Variants in C20orf173 observed in about 807,000 individuals in gnomAD.
C20orf173 encodes uncharacterized protein C20orf173.
A neutral mutation model predicts 26.7 loss-of-function variants in C20orf173; 22 were observed. That is an observed-to-expected ratio of 0.82 (90% CI 0.59 to 1.18). C20orf173 has a LOEUF of 1.18. Among genes scored for constraint, C20orf173 ranks in the 50% most tolerant of loss-of-function variants. The probability of loss-of-function intolerance (pLI) is 0.00; values close to 1 mark genes in which losing one functional copy is unlikely to be tolerated. For missense variants in C20orf173, 210 were observed against 250.3 expected, an observed-to-expected ratio of 0.84 and a Z score of 1.09; for synonymous variants, 85 against 96.4, an observed-to-expected ratio of 0.88 and a Z score of 0.69.
At chr20:35,526,628 C>CAAAA (rs1286748298), downstream of C20orf173, among the ~76,000 whole-genome samples, 14 of 53,532 alleles carry the variant, frequency 2.6e-4, no homozygotes, top group African/African-American at 5.6e-4. Flanking sequence ...ACTCTTGTCT[C>CAAAA]AAAAAAAAAA....
rs997252337 is a variant in C20orf173, at chr20:35,528,279, C to T, written c.588G>A (p.Leu196=). The part of the protein sequence containing the change: ...WTSDALSDKI[L]EDGLVP The stretch of plus-strand genomic sequence containing the variant: ...TCCACTAGGGAACCAGACCATCTTC[C>T]AAAATCTGAGAAAGAATTGGAGGTG... Residue 196 remains leucine (L), a synonymous_variant, in exon 5 of 6, where the codon TTG becomes TTA. Transcript: ENST00000444723. 1.3e-6 allele frequency: 2 copies of T among 1,551,934 alleles called. No homozygotes were observed. Among genetic ancestry groups the T allele is most frequent in the Admixed American group, 2.0e-5 (1 of 50,978 alleles).
chr20:35,522,401 T>C (rs188010383), downstream of C20orf173: 94 of 152,452 alleles, frequency 6.2e-4, no homozygotes, highest in Non-Finnish European at 1.2e-3. Flanking sequence ...CCAGGGTTTT[T>C]TTTGCTTCCA....
Position 35,529,432 on chromosome 20 carries a change from G to T in C20orf173, c.-51-8C>A. The T allele has an allele frequency of 1.4e-6, 2 of 1,453,016 alleles. No homozygotes were observed. Among genetic ancestry groups the T allele is most frequent in the African/African-American group, 1.4e-5 (1 of 71,076 alleles). 90.0% of individuals were successfully genotyped at this position (1,453,016 alleles called of 1,614,324 possible). A position where few individuals can be genotyped will look rare whatever the true frequency, so the allele number is the denominator to read the frequency against. On this transcript the variant is annotated splice_polypyrimidine_tract_variant and splice_region_variant and intron_variant, in intron 1 of 5. Transcript: ENST00000444723. ...GTAGACTGGCTTCTCTACCTGTAAG[G>T]ATGAGGGGCTGAGGCCACAGACAGC...
At chr20:35,524,821 C>T (rs578038536), downstream of C20orf173, among the ~76,000 whole-genome samples, 1 of 151,912 alleles carries the variant, frequency 6.6e-6, no homozygotes, top group East Asian at 1.9e-4. Context: ...GTCTCAGCCT[C>T]CTGAGTAGCT....
chr20:35,528,114 C>G (rs2064516549), intron 5 of C20orf173, 119 bp downstream of exon 5: 1 of 831,860 alleles, frequency 1.2e-6, no homozygotes, highest in East Asian at 2.7e-5. Context: ...GACCCTGACC[C>G]TGGTAAGACA....
intron 4 of C20orf173, 47 bp downstream of exon 4, chr20:35,528,404 C>T (rs2064520274): frequency 6.5e-7 from 1 of 1,547,812 alleles, no homozygotes; most frequent in Non-Finnish European, 8.7e-7. Context: ...CCTGCAGTGA[C>T]CTCCCCTCAC....
At position 35,527,246 on chromosome 20, in the gene C20orf173, G is replaced by T. The variant is rs2064509189; in HGVS notation, c.*30C>A. ...CTATTCTGATCCAAATCCAAAGAGG[G>T]TGACCTAGTGGATAAGAGAGGGACA... On this transcript the variant is annotated 3_prime_UTR_variant, in exon 6 of 6. Transcript: ENST00000444723. 6.6e-6 allele frequency: 1 copy of T among 152,118 alleles called. No individual in the cohort carries two copies. The highest frequency in any genetic ancestry group is 6.6e-5 in the Admixed American group (1 of 15,234). The allele number at this position is 152,118 out of a possible 1,614,324, so 9.4% of individuals were successfully genotyped here.
downstream of C20orf173, among the ~76,000 whole-genome samples, chr20:35,524,312 C>T (rs148291154): frequency 8.3e-3 from 1,255 of 151,968 alleles, 20 homozygotes; most frequent in African/African-American, 0.029. Flanking sequence ...TGAGCCACTG[C>T]GCCCGGCCAA....
chr20:35,524,335 C>G (rs74574725), downstream of C20orf173, among the ~76,000 whole-genome samples: 158 of 152,130 alleles, frequency 1.0e-3, 3 homozygotes, highest in East Asian at 0.028. Flanking sequence ...CAGTGTATAT[C>G]TTACACTTAT....
chr20:35,529,502 AC>A, intron 1 of C20orf173, 56 bp downstream of exon 1: 2 of 770,244 alleles, frequency 2.6e-6, no homozygotes, highest in Non-Finnish European at 4.1e-6. Flanking sequence ...TCCCCATCCC[AC>A]CACCTTCCAC....
At chr20:35,523,835 G>T (rs1448296219), downstream of C20orf173, among the ~76,000 whole-genome samples, 1 of 152,126 alleles carries the variant, frequency 6.6e-6, no homozygotes, top group African/African-American at 2.4e-5. Flanking sequence ...GGGCCACCTT[G>T]GCGATGGCTC....
At chr20:35,527,373 C>T (rs1348114982) in intron 5 of C20orf173, 123 bp from the exon 6 acceptor site, 1 of 151,962 alleles carries the variant, frequency 6.6e-6, no homozygotes, top group Non-Finnish European at 1.5e-5. Context: ...CTGGAGCTCA[C>T]CTCCAGGAAA....
chr20:35,526,518 A>G (rs1051816820), downstream of C20orf173, among the ~76,000 whole-genome samples: 5 of 151,408 alleles, frequency 3.3e-5, no homozygotes, highest in Admixed American at 6.6e-5. Flanking sequence ...AGTCCCAGCT[A>G]CTCAGGGGGC....
chr20:35,525,290 G>A (rs1469470158), downstream of C20orf173, among the ~76,000 whole-genome samples: 1 of 152,034 alleles, frequency 6.6e-6, no homozygotes, highest in African/African-American at 2.4e-5. Flanking sequence ...GATGACCCAT[G>A]CCTGTAATCC....
At chr20:35,526,628 C>CAAAAAAA (rs1286748298), downstream of C20orf173, among the ~76,000 whole-genome samples, 2 of 53,552 alleles carry the variant, frequency 3.7e-5, no homozygotes, top group South Asian at 6.3e-4. Context: ...ACTCTTGTCT[C>CAAAAAAA]AAAAAAAAAA....
rs1265979266 is a variant in C20orf173, at chr20:35,528,865, C to G, written c.324G>C (p.Gly108=). Residue 108 remains glycine (G), a synonymous_variant, in exon 3 of 6, where the codon GGG becomes GGC. Transcript: ENST00000444723. The part of the protein sequence containing the change: ...TVLWWLGMNS[G]SELGKLWRKL... ...TCCTCCACAATTTCCCAAGCTCGCT[C>G]CCTGAGTTCATGCCCTGGAAACAGC... 1.9e-6 allele frequency: 3 copies of G among 1,551,260 alleles called. No homozygotes were observed. In the Admixed American group the frequency reaches 5.9e-5, roughly 30 times the overall value.
downstream of C20orf173, among the ~76,000 whole-genome samples, chr20:35,525,710 TC>T (rs2064499048): frequency 6.6e-6 from 1 of 152,178 alleles, no homozygotes. Context: ...CCTGATGCGA[TC>T]CAGTGGTGTT....
chr20:35,527,487 G>T (rs1002140284), intron 5 of C20orf173, among the ~76,000 whole-genome samples: 1 of 152,196 alleles, frequency 6.6e-6, no homozygotes, highest in Non-Finnish European at 1.5e-5. Flanking sequence ...CCCCCAGGAC[G>T]TAAGAGAAGG....
downstream of C20orf173, among the ~76,000 whole-genome samples, chr20:35,525,590 CAG>C (rs1340745675): frequency 6.6e-6 from 1 of 152,128 alleles, no homozygotes; most frequent in Non-Finnish European, 1.5e-5. Context: ...ACAGAAGACA[CAG>C]GGGAGTATGC....
Sources: allele counts gnomAD v4.1 joint callset (sites outside exome capture counted in the v4.1 genomes callset), GRCh38; gene constraint gnomAD v4.1.1; transcripts MANE v1.5; gene names NCBI Gene and HGNC (gene_info 2026-07-23, HGNC 2026-07-21).